Variants in CCNH observed in about 807,000 individuals in gnomAD.
CCNH encodes the protein cyclin-H.
A neutral mutation model predicts 41.9 loss-of-function variants in CCNH; 31 were observed. That is an observed-to-expected ratio of 0.74 (90% CI 0.56 to 1.00). The LOEUF (loss-of-function observed/expected upper bound fraction) is 1.00, where lower values mean the gene tolerates loss of function less well. Ranked by LOEUF, CCNH falls within the 50% of genes least tolerant of loss-of-function variation. CCNH has a pLI of 0.00. For missense variants in CCNH, 362 were observed against 388.4 expected (o/e 0.93, Z 0.57); for synonymous variants, 138 against 136.1 (o/e 1.01, Z -0.10).
intron 9 of CCNH, among the ~76,000 whole-genome samples, chr5:87,327,823 G>A (rs1255681982): frequency 3.9e-5 from 6 of 152,050 alleles, no homozygotes; most frequent in African/African-American, 1.4e-4. Context: ...AAGTTAGCCG[G>A]ATGTGGTGGC....
Position 87,412,700 on chromosome 5 carries a change from C to T in CCNH, c.95G>A (p.Cys32Tyr). ...CACCTTCCCGTTGGCCACGGCTTTGCATCTGAATTTGCGGTTGGCGTCAGC... is the reference window on the plus strand; with the variant it reads ...CACCTTCCCGTTGGCCACGGCTTTGTATCTGAATTTGCGGTTGGCGTCAGC... The part of the protein sequence containing the change: ...LRADANRKFR[C>Y]KAVANGKVLP... The change falls in exon 1 of 9, where the codon TGC becomes TAC. Residue 32 changes from cysteine (C) to tyrosine (Y), a missense_variant. Coordinates refer to ENST00000256897, the MANE Select transcript of CCNH (RefSeq NM_001239.4). 6.2e-7 allele frequency: 1 copy of T among 1,614,164 alleles called. No individual in the cohort carries two copies. Among genetic ancestry groups the T allele is most frequent in the Middle Eastern group, 1.6e-4 (1 of 6,062 alleles).
At chr5:87,390,963 T>C (rs1762470822), downstream of CCNH, 2 of 1,409,584 alleles carry the variant, frequency 1.4e-6, no homozygotes, top group African/African-American at 1.4e-5. Context: ...TCCTTTGCTC[T>C]TGCCAAAAAA....
rs372384563 is a variant in CCNH, at chr5:87,412,780, A to G, written c.15T>C (p.Ser5=). Residue 5 remains serine (S), a synonymous_variant, in exon 1 of 9, where the codon AGT becomes AGC. Transcript: ENST00000256897. ...AGAAGGTCCAGTGCCGCTTCTGACT[A>G]CTGTTGTGGTACATTATGGAATCGT... MYHN[S]SQKRHWTFSS... is the part of the protein sequence containing the mutation. The G allele has an allele frequency of 3.1e-6, 5 of 1,614,082 alleles. No homozygotes were observed. Among genetic ancestry groups the G allele is most frequent in the Non-Finnish European group, 4.2e-6 (5 of 1,180,032 alleles).
chr5:87,388,710 T>C (rs1173308522), downstream of CCNH, among the ~76,000 whole-genome samples: 3 of 149,482 alleles, frequency 2.0e-5, no homozygotes, highest in African/African-American at 7.7e-5. Flanking sequence ...CCACAGATAA[T>C]TGCAAACCTG....
At chr5:87,318,322 A>G (rs924483693), downstream of CCNH, 2 of 152,162 alleles carry the variant, frequency 1.3e-5, no homozygotes, top group Non-Finnish European at 2.9e-5. Context: ...GTACAATGAG[A>G]TAGAGGAAGA....
intron 5 of CCNH, among the ~76,000 whole-genome samples, chr5:87,402,600 T>C (rs1763498436): frequency 6.6e-6 from 1 of 152,204 alleles, no homozygotes; most frequent in African/African-American, 2.4e-5. Context: ...GAACTCTTGT[T>C]GCTGTCTTTA....
intron 9 of CCNH, chr5:87,349,081 T>TAAAAAAA: frequency 9.7e-7 from 1 of 1,030,140 alleles, no homozygotes; most frequent in African/African-American, 1.7e-5. Flanking sequence ...GAAATTATCT[T>TAAAAAAA]AAAAAAAAAA....
In CCNH at chr5:87,394,332, A is replaced by G; in HGVS notation, c.*114T>C. On this transcript the variant is annotated 3_prime_UTR_variant, in exon 9 of 9. Transcript: ENST00000256897. ...CTGTGAAAGGGAAAGAAAACAATAGAAAAGTTTTAATATATTTTATGTTTT... is the reference window on the plus strand; with the variant it reads ...CTGTGAAAGGGAAAGAAAACAATAGGAAAGTTTTAATATATTTTATGTTTT... The G allele has an allele frequency of 7.1e-7, 1 of 1,407,888 alleles. No homozygotes were observed. The highest frequency in any genetic ancestry group is 9.3e-7 in the Non-Finnish European group (1 of 1,071,282). 87.2% of individuals were successfully genotyped at this position (1,407,888 alleles called of 1,614,324 possible). A position where few individuals can be genotyped will look rare whatever the true frequency, so the allele number is the denominator to read the frequency against.
chr5:87,394,746 T>A, intron 8 of CCNH: 3 of 1,325,732 alleles, frequency 2.3e-6, no homozygotes, highest in Non-Finnish European at 2.9e-6. Flanking sequence ...AAATTTTTTT[T>A]AAAAGGGGGT....
chr5:87,314,026 A>G (rs1411032064), downstream of CCNH, among the ~76,000 whole-genome samples: 1 of 151,528 alleles, frequency 6.6e-6, no homozygotes, highest in Non-Finnish European at 1.5e-5. Flanking sequence ...AAAATGAGCC[A>G]GGCGTGGTGG....
At chr5:87,365,264 T>A (rs1268733617) in intron 9 of CCNH, among the ~76,000 whole-genome samples, 1 of 152,138 alleles carries the variant, frequency 6.6e-6, no homozygotes, top group Admixed American at 6.6e-5. Context: ...TTTCAAAAAT[T>A]ATAACACTCG....
intron 9 of CCNH, among the ~76,000 whole-genome samples, chr5:87,353,627 CTTTG>C (rs1206880704): frequency 4.6e-5 from 7 of 152,058 alleles, no homozygotes; most frequent in African/African-American, 7.2e-5. Context: ...TACACTTTTT[CTTTG>C]TTTATTTGCC....
chr5:87,372,224 T>A (rs2112480205), downstream of CCNH: 4 of 1,585,728 alleles, frequency 2.5e-6, no homozygotes, highest in East Asian at 9.0e-5. Context: ...GGATTTTTAA[T>A]TGTCACATTT....
At chr5:87,378,843 T>C (rs568482650), upstream of CCNH, among the ~76,000 whole-genome samples, 50 of 152,276 alleles carry the variant, frequency 3.3e-4, no homozygotes, top group South Asian at 9.7e-3. Flanking sequence ...TAAGATAAAT[T>C]GAAGGTTTTG....
intron 9 of CCNH, among the ~76,000 whole-genome samples, chr5:87,345,356 T>G (rs1166853963): frequency 6.6e-6 from 1 of 152,172 alleles, no homozygotes; most frequent in African/African-American, 2.4e-5. Flanking sequence ...TTACCCTTCT[T>G]TTTTTGAATT....
chr5:87,332,756 T>G (rs1438998024), intron 9 of CCNH: 3 of 1,092,160 alleles, frequency 2.7e-6, no homozygotes, highest in Non-Finnish European at 3.9e-6. Context: ...TTTGTTGTAT[T>G]AAATTTTAAT....
intron 9 of CCNH, chr5:87,369,667 T>C (rs1760785950): frequency 3.4e-6 from 2 of 585,258 alleles, no homozygotes; most frequent in African/African-American, 1.9e-5. Context: ...GACTTTTTTT[T>C]AGTAATGATC....
intron 4 of CCNH, among the ~76,000 whole-genome samples, chr5:87,405,599 C>A (rs1221276950): frequency 6.6e-6 from 1 of 152,096 alleles, no homozygotes; most frequent in Admixed American, 6.5e-5. Context: ...TATTCAGAGT[C>A]AATTATGCAA....
In CCNH at chr5:87,394,817, T is replaced by C. The variant is rs1580432834; in HGVS notation, c.933+227A>G. ...AAAATGTAGTATGTATACATATTGC[T>C]TCTGCTTTCTATGAACACAGGAAGG... On this transcript the variant is annotated intron_variant, in intron 8 of 8. Coordinates refer to ENST00000256897, the MANE Select transcript of CCNH (RefSeq NM_001239.4). 13 of 1,366,136 alleles carry C rather than the reference T, an allele frequency of 9.5e-6. No individual in the cohort carries two copies. In the African/African-American group the frequency reaches 1.2e-4, roughly 12 times the overall value. 84.6% of individuals were successfully genotyped at this position (1,366,136 alleles called of 1,614,324 possible).
Sources: allele counts gnomAD v4.1 joint callset (sites outside exome capture counted in the v4.1 genomes callset), GRCh38; gene constraint gnomAD v4.1.1; transcripts MANE v1.5; gene names NCBI Gene and HGNC (gene_info 2026-07-23, HGNC 2026-07-21).